The following RUFY1 variants were observed in gnomAD, a reference collection of about 807,000 sequenced individuals.
RUFY1 encodes the protein RUN and FYVE domain containing 1.
In RUFY1, 54 loss-of-function variants were observed where a neutral mutation model predicts 94.6. The ratio of observed to expected loss-of-function variants is 0.57; its 90% CI spans 0.46 to 0.72. The LOEUF is 0.72. Among genes scored for constraint, RUFY1 ranks in the 30% least tolerant of loss-of-function variants. The pLI, the probability that RUFY1 is intolerant of heterozygous loss-of-function variation, is 0.00. For missense variants in RUFY1, 883 were observed against 883.9 expected, an observed-to-expected ratio of 1.00 and a Z score of 0.01; for synonymous variants, 396 against 347.3, an observed-to-expected ratio of 1.14 and a Z score of -1.56.
At chr5:179,585,769 TTTAC>T (rs758666901) in intron 7 of RUFY1, 23 bp from the exon 8 acceptor site, 7 of 1,541,858 alleles carry the variant, frequency 4.5e-6, no homozygotes, top group Non-Finnish European at 6.3e-6. Context: ...TAAGTTTATG[TTTAC>T]TTAATATTCT....
intron 15 of RUFY1, chr5:179,602,245 T>C (rs1766510623): frequency 2.2e-6 from 1 of 445,848 alleles, no homozygotes; most frequent in African/African-American, 1.9e-5. Context: ...ACACTCCTAT[T>C]CCTTAGCTTC....
At chr5:179,586,282 C>T (rs1460824666) in intron 8 of RUFY1, 2 of 459,026 alleles carry the variant, frequency 4.4e-6, no homozygotes, top group Admixed American at 2.3e-5. Flanking sequence ...GCCTCAGGAG[C>T]ATGCAACCAG....
intron 1 of RUFY1, among the ~76,000 whole-genome samples, chr5:179,557,546 T>C (rs1186953783): frequency 3.9e-5 from 6 of 152,218 alleles, no homozygotes; most frequent in Non-Finnish European, 8.8e-5. Context: ...GCTTATTTCA[T>C]TCACCTTTGC....
chr5:179,607,957 GAGTGT>G, intron 17 of RUFY1, among the ~76,000 whole-genome samples: 1 of 152,336 alleles, frequency 6.6e-6, no homozygotes, highest in South Asian at 2.1e-4. Context: ...TGCTCTAGGG[GAGTGT>G]CATTGAAAAT....
intron 3 of RUFY1, 97 bp from the exon 4 acceptor site, chr5:179,567,364 G>T: frequency 1.2e-6 from 1 of 849,974 alleles, no homozygotes; most frequent in East Asian, 2.6e-5. Context: ...GCATTTACAA[G>T]GGTGTGTTTC....
At chr5:179,552,177 A>AAAAAAAC (rs1761894585) in intron 1 of RUFY1, among the ~76,000 whole-genome samples, 1 of 150,874 alleles carries the variant, frequency 6.6e-6, no homozygotes, top group Non-Finnish European at 1.5e-5. Flanking sequence ...AAAAAAAAAA[A>AAAAAAAC]AAAAAAAAAA....
intron 13 of RUFY1, among the ~76,000 whole-genome samples, chr5:179,597,516 G>A (rs531173878): frequency 5.3e-5 from 8 of 152,168 alleles, no homozygotes; most frequent in South Asian, 4.1e-4. Flanking sequence ...GATTACAGGC[G>A]TGAGCCACTG....
intron 7 of RUFY1, among the ~76,000 whole-genome samples, chr5:179,583,008 G>A (rs1431041395): frequency 6.6e-6 from 1 of 151,778 alleles, no homozygotes; most frequent in Non-Finnish European, 1.5e-5. Context: ...TTTGCCCCTT[G>A]TGAATATGAA....
At chr5:179,605,834 C>CGGGTGGG in intron 15 of RUFY1, 42 bp from the exon 16 acceptor site, 1 of 1,156,888 alleles carries the variant, frequency 8.6e-7, no homozygotes, top group Non-Finnish European at 1.3e-6. Context: ...CAGAGCCTCA[C>CGGGTGGG]TCTCTCTCAC....
chr5:179,585,294 G>A (rs1764513768), intron 7 of RUFY1, among the ~76,000 whole-genome samples: 1 of 152,152 alleles, frequency 6.6e-6, no homozygotes, highest in Non-Finnish European at 1.5e-5. Flanking sequence ...AAAAGAAATA[G>A]GCCGGGCACA....
chr5:179,584,767 C>CA (rs982101270), intron 7 of RUFY1, among the ~76,000 whole-genome samples: 131 of 105,880 alleles, frequency 1.2e-3, no homozygotes, highest in South Asian at 2.5e-3. Context: ...GTTTCAAAAA[C>CA]AAAAAAAAAC....
rs764059834 is a variant in RUFY1 at position 179,561,700 on chromosome 5, T to TTTTTTTTG, written c.485-844_485-843insTTTTGTTT. 7.0e-3 allele frequency among the ~76,000 whole-genome samples: 668 copies of TTTTTTTTG among 95,552 alleles called. 45 individuals are homozygous for TTTTTTTTG. The highest frequency in any genetic ancestry group is 8.2e-3 in the Non-Finnish European group (394 of 47,966). 62.7% of individuals were successfully genotyped at this position (95,552 alleles called of 152,430 possible). On this transcript the variant is annotated intron_variant, in intron 2 of 17. Coordinates refer to ENST00000319449, the MANE Select transcript of RUFY1 (RefSeq NM_025158.5). ...TTTCTTTTTTTTTTTTTTTTTTTTT[T>TTTTTTTTG]TTTGAAGAGTCTCGCTCTGTCCCCC...
At chr5:179,567,196 C>G (rs1043721079) in intron 3 of RUFY1, among the ~76,000 whole-genome samples, 1 of 152,184 alleles carries the variant, frequency 6.6e-6, no homozygotes, top group Non-Finnish European at 1.5e-5. Flanking sequence ...ACAAATCTAA[C>G]CTGATATTTT....
chr5:179,582,211 C>T (rs1562029499), intron 7 of RUFY1, among the ~76,000 whole-genome samples: 1 of 152,010 alleles, frequency 6.6e-6, no homozygotes, highest in East Asian at 1.9e-4. Flanking sequence ...ATAAACTCCA[C>T]TTGATCATAA....
intron 14 of RUFY1, among the ~76,000 whole-genome samples, chr5:179,600,978 G>A (rs894468801): frequency 5.3e-5 from 8 of 151,990 alleles, no homozygotes; most frequent in African/African-American, 1.9e-4. Context: ...TTACAGGTGT[G>A]AGCCACTGCG....
At chr5:179,554,622 G>C (rs1160554990) in intron 1 of RUFY1, among the ~76,000 whole-genome samples, 1 of 151,816 alleles carries the variant, frequency 6.6e-6, no homozygotes, top group Non-Finnish European at 1.5e-5. Flanking sequence ...GGTTTTGGGG[G>C]ATTTTTTTTT....
intron 3 of RUFY1, among the ~76,000 whole-genome samples, chr5:179,564,607 G>A (rs1762693307): frequency 6.6e-6 from 1 of 151,112 alleles, no homozygotes; most frequent in African/African-American, 2.4e-5. Context: ...GGAGGTGGAG[G>A]TTGCAGTGAG....
At chr5:179,551,148 C>T (rs1761824692) in intron 1 of RUFY1, among the ~76,000 whole-genome samples, 1 of 152,214 alleles carries the variant, frequency 6.6e-6, no homozygotes, top group African/African-American at 2.4e-5. Context: ...TGTGCGCGTC[C>T]GGGCTTCGGA....
chr5:179,609,007 CAGG>C (rs1338021933), intron 17 of RUFY1, among the ~76,000 whole-genome samples: 3 of 151,080 alleles, frequency 2.0e-5, no homozygotes, highest in African/African-American at 4.9e-5. Flanking sequence ...ATCACGAGGT[CAGG>C]AGATCGAGAC....
Sources: allele counts gnomAD v4.1 joint callset (sites outside exome capture counted in the v4.1 genomes callset), GRCh38; gene constraint gnomAD v4.1.1; transcripts MANE v1.5; gene names NCBI Gene and HGNC (gene_info 2026-07-23, HGNC 2026-07-21).